NOX4: variants seen among roughly 807,000 people sequenced by gnomAD.
NOX4 encodes kidney oxidase-1.
NOX4 carries 69 observed loss-of-function variants against 87.6 expected under a neutral mutation model. That is an observed-to-expected ratio of 0.79 (90% CI 0.65 to 0.96). NOX4 has a LOEUF of 0.96. Among genes scored for constraint, NOX4 ranks in the 40% least tolerant of loss-of-function variants. NOX4 has a pLI of 0.00. For missense variants in NOX4, 680 were observed against 681.5 expected (o/e 1.00, Z 0.02); for synonymous variants, 275 against 238.2 (o/e 1.15, Z -1.42).
chr11:89,348,261 A>C (rs1311789781), intron 13 of NOX4, among the ~76,000 whole-genome samples: 2 of 152,050 alleles, frequency 1.3e-5, no homozygotes, highest in Non-Finnish European at 2.9e-5. Context: ...CTAAAAACGC[A>C]AAAATTAGCT....
chr11:89,529,093 G>A, the NOX4 span, among the ~76,000 whole-genome samples: 1 of 152,030 alleles, frequency 6.6e-6, no homozygotes, highest in Non-Finnish European at 1.5e-5. Context: ...AAAAAAAGAC[G>A]AGGAAGAAAT....
chr11:89,439,789 A>C (rs1194311853), intron 6 of NOX4, among the ~76,000 whole-genome samples: 1 of 152,206 alleles, frequency 6.6e-6, no homozygotes, highest in Non-Finnish European at 1.5e-5. Context: ...ACGTGCTTTA[A>C]CAAATTAATA....
intron 2 of NOX4, among the ~76,000 whole-genome samples, chr11:89,484,554 C>T (rs1393611876): frequency 6.6e-6 from 1 of 151,926 alleles, no homozygotes. Context: ...TAATATTGGA[C>T]TAAGGAGAAC....
chr11:89,476,597 C>T (rs539928767), intron 2 of NOX4, among the ~76,000 whole-genome samples: 1 of 152,158 alleles, frequency 6.6e-6, no homozygotes, highest in Non-Finnish European at 1.5e-5. Flanking sequence ...TATTTGTGCT[C>T]CTTTTTAAAA....
chr11:89,568,228 A>G, the NOX4 span, among the ~76,000 whole-genome samples: 1 of 152,242 alleles, frequency 6.6e-6, no homozygotes, highest in African/African-American at 2.4e-5. Flanking sequence ...GCAGAAGAAA[A>G]GAAATACTAA....
chr11:89,437,274 A>G (rs1216020916), intron 6 of NOX4, among the ~76,000 whole-genome samples: 3 of 152,156 alleles, frequency 2.0e-5, no homozygotes, highest in Non-Finnish European at 4.4e-5. Context: ...AGGCTGAGGC[A>G]ATGTTTCCTA....
At chr11:89,473,846 A>T (rs575817154) in intron 2 of NOX4, among the ~76,000 whole-genome samples, 44 of 152,272 alleles carry the variant, frequency 2.9e-4, no homozygotes, top group African/African-American at 9.6e-4. Flanking sequence ...ACTGCCTCCA[A>T]AATAAGCTAT....
At chr11:89,576,088 T>G in the NOX4 span, among the ~76,000 whole-genome samples, 1 of 152,360 alleles carries the variant, frequency 6.6e-6, no homozygotes, top group South Asian at 2.1e-4. Flanking sequence ...CTGCAGTTTT[T>G]GGACTTGGAA....
chr11:89,385,098 T>C (rs1426549451), intron 11 of NOX4, among the ~76,000 whole-genome samples: 1 of 152,156 alleles, frequency 6.6e-6, no homozygotes. Flanking sequence ...TTACCTTAAC[T>C]GGAGCCCTCA....
In NOX4 at chr11:89,324,810, A is replaced by C. The variant is rs1270566319; in HGVS notation, c.*1946T>G. ...GTTATTAAATATGCCTTCAGAGCTA[A>C]ATCTGCATGAGCATTCCACATTTCC... On this transcript the variant is annotated 3_prime_UTR_variant, in exon 18 of 18. Coordinates refer to ENST00000263317, the MANE Select transcript of NOX4 (RefSeq NM_016931.5). 1 of 152,182 alleles carries C rather than the reference A, an allele frequency of 6.6e-6. No homozygotes were observed. The highest frequency in any genetic ancestry group is 1.9e-4 in the East Asian group (1 of 5,188). The allele number at this position is 152,182 out of a possible 1,614,324, so 9.4% of individuals were successfully genotyped here.
chr11:89,355,160 C>A lies in NOX4; in HGVS notation c.1136-117G>T. The A allele has an allele frequency of 1.4e-5, 10 of 692,870 alleles. No homozygotes were observed. The South Asian group carries it at 1.9e-4, about 13-fold the overall frequency. The allele number at this position is 692,870 out of a possible 1,614,324, so 42.9% of individuals were successfully genotyped here. On this transcript the variant is annotated intron_variant, in intron 12 of 17. Transcript: ENST00000263317. ...TTAGACATTTTGACTGTATATCCAT[C>A]CTTTATTAGAAATTTACCCACCATT...
At chr11:89,488,280 C>A (rs1050728994) in intron 2 of NOX4, among the ~76,000 whole-genome samples, 1 of 151,534 alleles carries the variant, frequency 6.6e-6, no homozygotes, top group Middle Eastern at 3.4e-3. Flanking sequence ...TTTTTTTCTT[C>A]ATTCCCTTGA....
intron 2 of NOX4, among the ~76,000 whole-genome samples, chr11:89,463,797 C>A (rs913155908): frequency 6.6e-6 from 1 of 151,812 alleles, no homozygotes; most frequent in African/African-American, 2.4e-5. Flanking sequence ...AGATATAATA[C>A]CTTCTGGACT....
Position 89,394,474 on chromosome 11 carries a change from A to G in NOX4, c.1074+5543T>C, listed in dbSNP as rs1941339622. On this transcript the variant is annotated intron_variant, in intron 11 of 17. Coordinates refer to ENST00000263317, the MANE Select transcript of NOX4 (RefSeq NM_016931.5). ...AATGATTTTCAAAATAAAGTTGCCA[A>G]CACAAGGGAAGGTTAATTTCTGAAG... is the stretch of plus-strand genomic sequence containing the variant. 4.6e-5 allele frequency among the ~76,000 whole-genome samples: 7 copies of G among 152,064 alleles called. No homozygotes were observed. The South Asian group carries it at 1.5e-3, about 32-fold the overall frequency.
chr11:89,351,502 C>T (rs34664285), intron 13 of NOX4, among the ~76,000 whole-genome samples: 3,289 of 152,256 alleles, frequency 0.022, 140 homozygotes, highest in African/African-American at 0.074. Context: ...ACGCCATCTA[C>T]GGTATTCACA....
chr11:89,394,948 T>C (rs550968301), intron 11 of NOX4, among the ~76,000 whole-genome samples: 8 of 152,190 alleles, frequency 5.3e-5, no homozygotes, highest in Non-Finnish European at 1.0e-4. Context: ...TTGTGAATAG[T>C]GCCGCAATAA....
In NOX4 at chr11:89,374,568, T is replaced by C. The variant is rs186902092; in HGVS notation, c.1075-1076A>G. On this transcript the variant is annotated intron_variant, in intron 11 of 17. Coordinates refer to ENST00000263317, the MANE Select transcript of NOX4 (RefSeq NM_016931.5). The stretch of plus-strand genomic sequence containing the variant: ...GAGTTGTCTTTTATAGATAAGAAAA[T>C]TGAGTAATTAAGGCTTAAAATATTG... 2.8e-4 allele frequency among the ~76,000 whole-genome samples: 42 copies of C among 152,206 alleles called. No individual in the cohort carries two copies. The East Asian group carries it at 7.9e-3, about 29-fold the overall frequency.
the NOX4 span, among the ~76,000 whole-genome samples, chr11:89,530,155 A>G: frequency 5.3e-5 from 8 of 151,606 alleles, no homozygotes; most frequent in Non-Finnish European, 1.2e-4. Flanking sequence ...AGGTTAAACA[A>G]TATCCAAATC....
intron 7 of NOX4, among the ~76,000 whole-genome samples, chr11:89,426,980 G>A (rs1173396674): frequency 6.6e-6 from 1 of 152,158 alleles, no homozygotes; most frequent in Non-Finnish European, 1.5e-5. Context: ...CCCAGTAGGG[G>A]CAGACTGACA....
Sources: allele counts gnomAD v4.1 joint callset (sites outside exome capture counted in the v4.1 genomes callset), GRCh38; gene constraint gnomAD v4.1.1; transcripts MANE v1.5; gene names NCBI Gene and HGNC (gene_info 2026-07-23, HGNC 2026-07-21).